The following NRP1 variants were observed in gnomAD, a reference collection of about 807,000 sequenced individuals.
NRP1 encodes the protein neuropilin-1.
In NRP1, 35 loss-of-function variants were observed where a neutral mutation model predicts 106.7. The observed-to-expected ratio is 0.33, with a 90% CI of 0.25 to 0.43. The LOEUF is 0.43. NRP1 is among the 20% of genes least tolerant of loss of function. The pLI is 1.00. For missense variants in NRP1, 1,024 were observed against 1,170.4 expected (o/e 0.87, Z 1.83); for synonymous variants, 437 against 417.9 (o/e 1.05, Z -0.56).
intron 2 of NRP1, among the ~76,000 whole-genome samples, chr10:33,292,668 C>T (rs1444720223): frequency 6.6e-6 from 1 of 152,146 alleles, no homozygotes; most frequent in Non-Finnish European, 1.5e-5. Context: ...CCAGTTCCAG[C>T]AGATAAGCAG....
intron 6 of NRP1, among the ~76,000 whole-genome samples, chr10:33,237,576 CTTTTTTT>C (rs36019831): frequency 4.0e-5 from 4 of 99,864 alleles, no homozygotes; most frequent in African/African-American, 1.6e-4. Context: ...TTTCCTTCTT[CTTTTTTT>C]TTTTTTTTTT....
intron 2 of NRP1, among the ~76,000 whole-genome samples, chr10:33,293,062 A>G (rs1462932885): frequency 6.6e-6 from 1 of 151,926 alleles, no homozygotes; most frequent in African/African-American, 2.4e-5. Flanking sequence ...CATAACCCCT[A>G]CCTTCAAGAA....
rs533833732 is a variant in NRP1, at chr10:33,222,493, G to A, written c.1138-630C>T. On this transcript the variant is annotated intron_variant, in intron 7 of 16. Transcript: ENST00000374867. The stretch of plus-strand genomic sequence containing the variant: ...AAATCAGTTTTTCCAGGGCTTGTGC[G>A]TCAAGATTTATTTATTTATTTATTT... Among the ~76,000 whole-genome samples the A allele has an allele frequency of 1.8e-3, 255 of 142,876 alleles. 1 individual carries two copies. Among genetic ancestry groups the A allele is most frequent in the Non-Finnish European group, 3.2e-3 (206 of 64,354 alleles). The allele number at this position is 142,876 out of a possible 152,430, so 93.7% of individuals were successfully genotyped here. A position where few individuals can be genotyped will look rare whatever the true frequency, so the allele number is the denominator to read the frequency against.
intron 9 of NRP1, among the ~76,000 whole-genome samples, chr10:33,210,930 A>G (rs1838252262): frequency 6.6e-6 from 1 of 152,188 alleles, no homozygotes; most frequent in Non-Finnish European, 1.5e-5. Context: ...CGTCTTAGAG[A>G]TTTTATTTCA....
At chr10:33,256,287 A>C in intron 5 of NRP1, 29 bp downstream of exon 5, 1 of 1,610,972 alleles carries the variant, frequency 6.2e-7, no homozygotes, top group Non-Finnish European at 8.5e-7. Flanking sequence ...TATTTACCAC[A>C]GGGCTTTGCA....
At chr10:33,181,100 T>A (rs1307540203) in intron 16 of NRP1, among the ~76,000 whole-genome samples, 1 of 152,228 alleles carries the variant, frequency 6.6e-6, no homozygotes, top group Non-Finnish European at 1.5e-5. Flanking sequence ...ACTGGGGACT[T>A]GTTTTCTTTG....
chr10:33,220,622 G>A (rs376528987), intron 8 of NRP1, among the ~76,000 whole-genome samples: 2 of 152,268 alleles, frequency 1.3e-5, no homozygotes, highest in South Asian at 2.1e-4. Context: ...CAGGCTGGGC[G>A]CGGTGGCTCA....
At chr10:33,297,380 A>G (rs998580021) in intron 2 of NRP1, among the ~76,000 whole-genome samples, 3 of 152,142 alleles carry the variant, frequency 2.0e-5, no homozygotes, top group Non-Finnish European at 2.9e-5. Context: ...TTCCTACCTT[A>G]TATCTTACGT....
intron 11 of NRP1, chr10:33,202,674 C>G: frequency 6.5e-7 from 1 of 1,545,982 alleles, no homozygotes; most frequent in Non-Finnish European, 8.8e-7. Flanking sequence ...CTCGAAATGG[C>G]TCAAATTATT....
At chr10:33,295,863 A>G (rs890927159) in intron 2 of NRP1, among the ~76,000 whole-genome samples, 1 of 152,256 alleles carries the variant, frequency 6.6e-6, no homozygotes, top group Non-Finnish European at 1.5e-5. Flanking sequence ...GCTGCCTATT[A>G]TGCTAAAACT....
At chr10:33,329,678 T>A (rs1848135698) in intron 2 of NRP1, among the ~76,000 whole-genome samples, 1 of 152,216 alleles carries the variant, frequency 6.6e-6, no homozygotes, top group South Asian at 2.1e-4. Context: ...TTAAATCGAT[T>A]ATTTTTCTTT....
rs183303046 is a variant in NRP1 at position 33,268,863 on chromosome 10, G to A, written c.430+1812C>T. Among the ~76,000 whole-genome samples the A allele has an allele frequency of 7.5e-4, 114 of 151,988 alleles. 1 individual carries two copies. The highest frequency in any genetic ancestry group is 2.5e-3 in the African/African-American group (102 of 41,280). On this transcript the variant is annotated intron_variant, in intron 3 of 16. Transcript: ENST00000374867. ...ATGTATACTATTATCTATACGAAAG[G>A]TGTTCTAAGTACTTATGTGCTTAGA...
chr10:33,219,340 A>C (rs974550919), intron 8 of NRP1, among the ~76,000 whole-genome samples: 1 of 152,232 alleles, frequency 6.6e-6, no homozygotes, highest in Non-Finnish European at 1.5e-5. Flanking sequence ...TCCACAGTCA[A>C]GCCTGGATAT....
chr10:33,229,489 A>G (rs528342408), intron 6 of NRP1, among the ~76,000 whole-genome samples: 29 of 152,360 alleles, frequency 1.9e-4, no homozygotes, highest in African/African-American at 7.0e-4. Flanking sequence ...AGCTATTTAA[A>G]TAAACTCTTC....
chr10:33,269,938 ATAAT>A (rs1843184087), intron 3 of NRP1, among the ~76,000 whole-genome samples: 1 of 152,214 alleles, frequency 6.6e-6, no homozygotes, highest in Admixed American at 6.5e-5. Context: ...GGTGAGTTGT[ATAAT>A]TATTTCATTA....
chr10:33,266,412 C>G (rs1250087335), intron 3 of NRP1, among the ~76,000 whole-genome samples: 1 of 152,218 alleles, frequency 6.6e-6, no homozygotes, highest in Non-Finnish European at 1.5e-5. Flanking sequence ...TTCTGGTTCT[C>G]AAATTCTGCG....
At chr10:33,328,876 C>T (rs991297537) in intron 2 of NRP1, among the ~76,000 whole-genome samples, 6 of 152,138 alleles carry the variant, frequency 3.9e-5, no homozygotes, top group African/African-American at 1.2e-4. Flanking sequence ...TTATATTACA[C>T]GTATTGATGG....
intron 13 of NRP1, 61 bp downstream of exon 13, chr10:33,192,220 C>T: frequency 6.4e-7 from 1 of 1,563,678 alleles, no homozygotes; most frequent in Non-Finnish European, 8.7e-7. Flanking sequence ...CTCCCAGTAA[C>T]ACAGCCTCGG....
chr10:33,187,856 T>C (rs1836116066), intron 13 of NRP1, among the ~76,000 whole-genome samples: 1 of 152,084 alleles, frequency 6.6e-6, no homozygotes, highest in African/African-American at 2.4e-5. Flanking sequence ...AGTGTCCAGG[T>C]GGATGTGGAC....
Sources: gnomAD v4.1 joint callset for allele counts (sites outside exome capture counted in the v4.1 genomes callset) on GRCh38, gnomAD v4.1.1 for gene constraint, MANE v1.5 for transcripts, NCBI Gene and HGNC (gene_info 2026-07-23, HGNC 2026-07-21) for gene names.